FAM76B: variants seen among roughly 807,000 people sequenced by gnomAD.
FAM76B encodes family with sequence similarity 76 member B.
Under a neutral mutation model 51.8 loss-of-function variants are expected in FAM76B, and 16 were observed. The observed-to-expected ratio is 0.31, with a 90% CI of 0.21 to 0.47. The LOEUF (loss-of-function observed/expected upper bound fraction) is 0.47, where lower values mean the gene tolerates loss of function less well. FAM76B is among the 20% of genes least tolerant of loss of function. The pLI is 1.00. For synonymous variants in FAM76B, 166 were observed against 129.5 expected (o/e 1.28, Z -1.91); for missense variants, 342 against 392.6 (o/e 0.87, Z 1.09).
intron 9 of FAM76B, among the ~76,000 whole-genome samples, chr11:95,773,935 G>A (rs1285101625): frequency 6.6e-6 from 1 of 151,084 alleles, no homozygotes; most frequent in Non-Finnish European, 1.5e-5. Flanking sequence ...TCCATCTTGT[G>A]TCACAGGATT....
In FAM76B at chr11:95,789,581, C is replaced by G; in HGVS notation, c.-103G>C. The G allele has an allele frequency of 1.9e-6, 2 of 1,028,634 alleles. No homozygotes were observed. The highest frequency in any genetic ancestry group is 2.8e-6 in the Non-Finnish European group (2 of 718,540). The allele number at this position is 1,028,634 out of a possible 1,614,324, so 63.7% of individuals were successfully genotyped here. A position where few individuals can be genotyped will look rare whatever the true frequency, so the allele number is the denominator to read the frequency against. On this transcript the variant is annotated 5_prime_UTR_variant, in exon 1 of 10. Coordinates refer to ENST00000358780, the MANE Select transcript of FAM76B (RefSeq NM_144664.5). ...CCGGGCCGCGGGCTCCTCCTCCTCC[C>G]CCTCCCCCTGCCTCGCGCCCACCAG...
chr11:95,781,000 T>A (rs568844651), intron 5 of FAM76B, among the ~76,000 whole-genome samples: 174 of 150,922 alleles, frequency 1.2e-3, no homozygotes, highest in Non-Finnish European at 1.6e-3. Context: ...GGGAAAAAAA[T>A]GTTAATAGCA....
intron 1 of FAM76B, chr11:95,788,927 C>T (rs781769925): frequency 7.4e-7 from 1 of 1,350,478 alleles, no homozygotes; most frequent in South Asian, 1.2e-5. Context: ...ATTCTGTTCC[C>T]AAACCAGTCG....
chr11:95,789,141 C>G, intron 1 of FAM76B: 1 of 1,268,316 alleles, frequency 7.9e-7, no homozygotes, highest in East Asian at 2.6e-5. Flanking sequence ...CTGAGACCCC[C>G]AGACGCTGAC....
intron 7 of FAM76B, 63 bp downstream of exon 7, chr11:95,779,544 G>A (rs1304528853): frequency 7.6e-7 from 1 of 1,315,104 alleles, no homozygotes; most frequent in Non-Finnish European, 1.1e-6. Context: ...GTAATAACTG[G>A]CATTCAACCA....
Position 95,778,918 on chromosome 11 carries a change from G to C in FAM76B, c.732C>G (p.Asp244Glu). 6.2e-7 allele frequency: 1 copy of C among 1,610,770 alleles called. No individual in the cohort carries two copies. Among genetic ancestry groups the C allele is most frequent in the Non-Finnish European group, 8.5e-7 (1 of 1,177,966 alleles). Residue 244 changes from aspartate to glutamate, a missense_variant, in exon 8 of 10, where the codon GAC becomes GAG. By Grantham distance (45) the Asp-to-Glu change is conservative (BLOSUM62 2). Around this residue, in one of 3 missense-constraint regions of FAM76B, gnomAD observed 230 missense variants for 257.4 expected, o/e 0.89. Transcript: ENST00000358780. The part of the protein sequence containing the change: ...INQSADSGGT[D>E]NFVLISQLKE... ...TCAATTGACTTATAAGGACAAAATT[G>C]TCTGTTCCCCCACTATCTGCTGACT...
At chr11:95,788,586 T>A in intron 1 of FAM76B, 23 bp from the exon 2 acceptor site, 1 of 1,593,806 alleles carries the variant, frequency 6.3e-7, no homozygotes, top group South Asian at 1.1e-5. Context: ...AATACATTAG[T>A]CAGTATCTTT....
intron 4 of FAM76B, among the ~76,000 whole-genome samples, chr11:95,784,255 C>G (rs1443280172): frequency 6.6e-6 from 1 of 151,900 alleles, no homozygotes; most frequent in Non-Finnish European, 1.5e-5. Context: ...CATGGACACA[C>G]TGAGGGGAAC....
rs1056334733 is a variant in FAM76B at position 95,789,295 on chromosome 11, G to C, written c.87+97C>G. ...GGGCTCCAGACTCCCAAACCCCTGA[G>C]GCGCCGGCGAAGAGGGGCTGCAGTG... On this transcript the variant is annotated intron_variant, in intron 1 of 9. Coordinates refer to ENST00000358780, the MANE Select transcript of FAM76B (RefSeq NM_144664.5). The C allele has an allele frequency of 8.1e-6, 11 of 1,354,900 alleles. No individual in the cohort carries two copies. In the African/African-American group the frequency reaches 8.7e-5, roughly 11 times the overall value. 83.9% of individuals were successfully genotyped at this position (1,354,900 alleles called of 1,614,324 possible). A position where few individuals can be genotyped will look rare whatever the true frequency, so the allele number is the denominator to read the frequency against.
intron 4 of FAM76B, among the ~76,000 whole-genome samples, chr11:95,783,954 C>G (rs1191575378): frequency 1.3e-5 from 2 of 152,104 alleles, no homozygotes; most frequent in East Asian, 3.9e-4. Context: ...TTTATAGTCC[C>G]AAAGAGTACT....
At chr11:95,783,618 TA>T (rs1860396528) in intron 4 of FAM76B, among the ~76,000 whole-genome samples, 1 of 152,240 alleles carries the variant, frequency 6.6e-6, no homozygotes, top group South Asian at 2.1e-4. Context: ...GCTGTGTCAT[TA>T]CTAATAATTT....
intron 9 of FAM76B, among the ~76,000 whole-genome samples, chr11:95,772,131 T>A (rs1859793502): frequency 6.6e-6 from 1 of 151,096 alleles, no homozygotes; most frequent in South Asian, 2.1e-4. Flanking sequence ...GCATAAGAGG[T>A]CATTTTTGCA....
At position 95,789,779 on chromosome 11, in the gene FAM76B, A is replaced by C. The variant is rs1019574306; in HGVS notation, c.-301T>G. The C allele has an allele frequency of 8.8e-6, 3 of 339,588 alleles. No individual in the cohort carries two copies. The highest frequency in any genetic ancestry group is 1.6e-5 in the Non-Finnish European group (3 of 187,918). The allele number at this position is 339,588 out of a possible 1,614,324, so 21.0% of individuals were successfully genotyped here. On this transcript the variant is annotated 5_prime_UTR_variant, in exon 1 of 10. Transcript: ENST00000358780. ...TTGCTGTTTAGCTGTGCGGCCGTGG[A>C]TCCGCTTCCTTCTCGGCCTCCCTTT...
rs1281413910 is a variant in FAM76B, at chr11:95,769,649, CAA to C, written c.*1910_*1911del. ...TGTGGACTGACAAATGGCTATGAAA[CAA>C]GAATATAAAACATTACAAATTTCAA... On this transcript the variant is annotated 3_prime_UTR_variant, in exon 10 of 10. Coordinates refer to ENST00000358780, the MANE Select transcript of FAM76B (RefSeq NM_144664.5). The C allele has an allele frequency of 1.3e-5, 2 of 151,504 alleles. No individual in the cohort carries two copies. The highest frequency in any genetic ancestry group is 4.8e-5 in the African/African-American group (2 of 41,338). The allele number at this position is 151,504 out of a possible 1,614,324, so 9.4% of individuals were successfully genotyped here.
rs1859664184 is a variant in FAM76B, at chr11:95,769,150, CTT to C, written c.*2409_*2410del. ...TCACAGGCTATTAATACATAAATAA[CTT>C]GAGTCAAAATGACCCTTACTGGTAA... On this transcript the variant is annotated 3_prime_UTR_variant, in exon 10 of 10. Transcript: ENST00000358780. 1 of 152,274 alleles carries C rather than the reference CTT, an allele frequency of 6.6e-6. No individual in the cohort carries two copies. Among genetic ancestry groups the C allele is most frequent in the South Asian group, 2.1e-4 (1 of 4,824 alleles). The allele number at this position is 152,274 out of a possible 1,614,324, so 9.4% of individuals were successfully genotyped here. A position where few individuals can be genotyped will look rare whatever the true frequency, so the allele number is the denominator to read the frequency against.
chr11:95,786,009 C>T lies in FAM76B; in HGVS notation c.363+110G>A, dbSNP rs1306938823. The T allele has an allele frequency of 2.2e-6, 3 of 1,338,774 alleles. No individual in the cohort carries two copies. The Admixed American group carries it at 7.1e-5, about 32-fold the overall frequency. 82.9% of individuals were successfully genotyped at this position (1,338,774 alleles called of 1,614,324 possible). On this transcript the variant is annotated intron_variant, in intron 4 of 9. Coordinates refer to ENST00000358780, the MANE Select transcript of FAM76B (RefSeq NM_144664.5). ...GCACTTTCATCTAACTACTTGCTTT[C>T]ATGGACCTAAAGAATAGATCCAGTC...
rs1035673680 is a variant in FAM76B at position 95,789,778 on chromosome 11, G to A, written c.-300C>T. On this transcript the variant is annotated 5_prime_UTR_variant, in exon 1 of 10. Coordinates refer to ENST00000358780, the MANE Select transcript of FAM76B (RefSeq NM_144664.5). ...GTTGCTGTTTAGCTGTGCGGCCGTG[G>A]ATCCGCTTCCTTCTCGGCCTCCCTT... 1 of 343,506 alleles carries A rather than the reference G, an allele frequency of 2.9e-6. No individual in the cohort carries two copies. The highest frequency in any genetic ancestry group is 2.1e-5 in the African/African-American group (1 of 46,568). The allele number at this position is 343,506 out of a possible 1,614,324, so 21.3% of individuals were successfully genotyped here.
Position 95,779,591 on chromosome 11 carries a change from AAG to A in FAM76B, c.692+14_692+15del. ...CTAAGTTGAATTTTCATAACACTAA[AAG>A]AATTCATTTTTACCTATCTCCATTA... On this transcript the variant is annotated intron_variant, in intron 7 of 9. Coordinates refer to ENST00000358780, the MANE Select transcript of FAM76B (RefSeq NM_144664.5). 1 of 1,595,180 alleles carries A rather than the reference AAG, an allele frequency of 6.3e-7. No individual in the cohort carries two copies. Among genetic ancestry groups the A allele is most frequent in the Non-Finnish European group, 8.5e-7 (1 of 1,170,940 alleles).
chr11:95,789,530 A>T lies in FAM76B; in HGVS notation c.-52T>A. Reference sequence around the variant, plus strand: ...GCCGCCCGCTCCGAGGCGGGGCCCTACGGAGAACCCGAGAGCCGCCGCCGC... The same window carrying T: ...GCCGCCCGCTCCGAGGCGGGGCCCTTCGGAGAACCCGAGAGCCGCCGCCGC... On this transcript the variant is annotated 5_prime_UTR_variant, in exon 1 of 10. Coordinates refer to ENST00000358780, the MANE Select transcript of FAM76B (RefSeq NM_144664.5). 1 of 1,525,318 alleles carries T rather than the reference A, an allele frequency of 6.6e-7. No individual in the cohort carries two copies. The allele number at this position is 1,525,318 out of a possible 1,614,324, so 94.5% of individuals were successfully genotyped here.
Sources: allele counts gnomAD v4.1 joint callset (sites outside exome capture counted in the v4.1 genomes callset), GRCh38; gene constraint gnomAD v4.1.1; regional missense constraint gnomAD v4.1.1; transcripts MANE v1.5; gene names NCBI Gene and HGNC (gene_info 2026-07-23, HGNC 2026-07-21).